Variants in CWC27 observed in about 807,000 individuals in gnomAD.
CWC27 encodes the protein spliceosome-associated protein CWC27 homolog.
CWC27 carries 47 observed loss-of-function variants against 63.6 expected under a neutral mutation model. That is an observed-to-expected ratio of 0.74 (90% confidence interval 0.58 to 0.94). The LOEUF (loss-of-function observed/expected upper bound fraction) is 0.94. CWC27 is among the 40% of genes least tolerant of loss of function. The probability of loss-of-function intolerance (pLI) is 0.00; values close to 1 mark genes in which losing one functional copy is unlikely to be tolerated. For missense variants in CWC27, 495 were observed against 554.3 expected (o/e 0.89, Z 1.07); for synonymous variants, 175 against 179.8 (o/e 0.97, Z 0.22).
chr5:64,977,566 C>T (rs377681456), intron 13 of CWC27, among the ~76,000 whole-genome samples: 7 of 152,212 alleles, frequency 4.6e-5, no homozygotes, highest in South Asian at 4.2e-4. Flanking sequence ...TTAAACAACT[C>T]GAAAACAACC....
intron 10 of CWC27, among the ~76,000 whole-genome samples, chr5:64,825,205 C>T (rs1238496948): frequency 1.3e-5 from 2 of 152,062 alleles, no homozygotes; most frequent in African/African-American, 4.8e-5. Context: ...ACTTGGAGAC[C>T]GTATGTTGCA....
intron 11 of CWC27, among the ~76,000 whole-genome samples, chr5:64,955,565 G>A (rs891134906): frequency 6.6e-6 from 1 of 152,086 alleles, no homozygotes; most frequent in African/African-American, 2.4e-5. Flanking sequence ...CTCACCATCC[G>A]ACCTCAGGTT....
rs556089416 is a variant in CWC27 at position 64,772,249 on chromosome 5, C to G, written c.43-2442C>G. ...GTGAGTGCATACTTCAGTGGGTGTG[C>G]AAAACCATCCATGAGCTGTGGGGAG... On this transcript the variant is annotated intron_variant, in intron 1 of 13. Transcript: ENST00000381070. Among the ~76,000 whole-genome samples the G allele has an allele frequency of 2.6e-5, 4 of 152,226 alleles. No individual in the cohort carries two copies. In the East Asian group the frequency reaches 7.7e-4, roughly 29 times the overall value.
At chr5:64,946,307 G>A (rs148167009) in intron 11 of CWC27, among the ~76,000 whole-genome samples, 1 of 152,226 alleles carries the variant, frequency 6.6e-6, no homozygotes, top group Non-Finnish European at 1.5e-5. Flanking sequence ...CATATACAGA[G>A]ACATATACCA....
chr5:64,844,674 A>T (rs1012162067), intron 10 of CWC27, among the ~76,000 whole-genome samples: 51 of 152,340 alleles, frequency 3.3e-4, no homozygotes, highest in African/African-American at 1.2e-3. Context: ...GTCTAGACTG[A>T]CTTGACATGG....
intron 11 of CWC27, among the ~76,000 whole-genome samples, chr5:64,921,314 ATTTTT>A (rs539560691): frequency 1.4e-4 from 21 of 151,020 alleles, no homozygotes; most frequent in African/African-American, 5.1e-4. Flanking sequence ...TATGGTTTTG[ATTTTT>A]TTTTAATTTG....
intron 10 of CWC27, among the ~76,000 whole-genome samples, chr5:64,863,728 A>T (rs898408203): frequency 2.0e-5 from 3 of 152,050 alleles, no homozygotes; most frequent in African/African-American, 7.2e-5. Context: ...GCTTCAAGTG[A>T]TCCTCCCACT....
chr5:64,896,051 G>A (rs193008413), intron 11 of CWC27, among the ~76,000 whole-genome samples: 337 of 152,088 alleles, frequency 2.2e-3, no homozygotes, highest in African/African-American at 7.7e-3. Context: ...ACTAAAAGAG[G>A]ATAAAGAAAA....
At chr5:64,944,894 A>G (rs1748557829) in intron 11 of CWC27, among the ~76,000 whole-genome samples, 1 of 152,148 alleles carries the variant, frequency 6.6e-6, no homozygotes, top group African/African-American at 2.4e-5. Context: ...TGGATTTCTT[A>G]AAAGTTAAAG....
chr5:64,885,738 T>TGTGTGTGTGTG (rs60595588), intron 11 of CWC27, among the ~76,000 whole-genome samples, 192 bp downstream of exon 11: 35 of 141,488 alleles, frequency 2.5e-4, no homozygotes, highest in South Asian at 6.4e-4. Context: ...TGTGTGTGTG[T>TGTGTGTGTGTG]TTTTAATACT....
intron 11 of CWC27, among the ~76,000 whole-genome samples, chr5:64,954,811 A>G (rs915981269): frequency 2.6e-4 from 39 of 151,922 alleles, no homozygotes; most frequent in African/African-American, 9.2e-4. Context: ...TGTTAGTTAT[A>G]GGTAGAAGAT....
chr5:64,924,902 A>T (rs1434953946), intron 11 of CWC27, among the ~76,000 whole-genome samples: 1 of 152,002 alleles, frequency 6.6e-6, no homozygotes, highest in Admixed American at 6.6e-5. Context: ...TTATATACCG[A>T]AAGAAACTAA....
chr5:64,785,100 A>G (rs1743835470), intron 4 of CWC27, among the ~76,000 whole-genome samples: 1 of 152,196 alleles, frequency 6.6e-6, no homozygotes, highest in African/African-American at 2.4e-5. Context: ...TGAGGATTAA[A>G]TGAGATAATG....
chr5:64,897,011 A>G (rs1302774684), intron 11 of CWC27, among the ~76,000 whole-genome samples: 1 of 152,174 alleles, frequency 6.6e-6, no homozygotes, highest in African/African-American at 2.4e-5. Context: ...CAGGAGTTCA[A>G]TACCAGCCTC....
chr5:64,812,850 A>G (rs2112231464), intron 10 of CWC27, among the ~76,000 whole-genome samples: 1 of 152,298 alleles, frequency 6.6e-6, no homozygotes, highest in East Asian at 1.9e-4. Context: ...ATTACAATTC[A>G]GTATGACAAG....
rs565469452 is a variant in CWC27, at chr5:64,881,605, G to A, written c.939-3838G>A. On this transcript the variant is annotated intron_variant, in intron 10 of 13. Coordinates refer to ENST00000381070, the MANE Select transcript of CWC27 (RefSeq NM_005869.4). ...TTACATAACTTACCCCTAATTTATAGTTGAATAAACTGAGTCTCAGAGAAG... is the reference window on the plus strand; with the variant it reads ...TTACATAACTTACCCCTAATTTATAATTGAATAAACTGAGTCTCAGAGAAG... 3.0e-3 allele frequency among the ~76,000 whole-genome samples: 450 copies of A among 152,196 alleles called. 3 individuals carry two copies. The highest frequency in any genetic ancestry group is 0.01 in the African/African-American group (426 of 41,542).
intron 10 of CWC27, among the ~76,000 whole-genome samples, chr5:64,871,920 G>A (rs1580692066): frequency 6.6e-6 from 1 of 152,210 alleles, no homozygotes; most frequent in African/African-American, 2.4e-5. Context: ...TACTTCCTGG[G>A]AGACTTGGAA....
chr5:64,993,395 G>C (rs940706677), intron 13 of CWC27, among the ~76,000 whole-genome samples: 4 of 152,198 alleles, frequency 2.6e-5, no homozygotes, highest in Admixed American at 2.6e-4. Flanking sequence ...CTATGACCTA[G>C]AAGGAATGTA....
chr5:64,807,515 C>G, intron 10 of CWC27: 1 of 1,433,144 alleles, frequency 7.0e-7, no homozygotes, highest in Non-Finnish European at 9.1e-7. Context: ...GAATCGGCAC[C>G]CTTATATCTA....
Sources: allele counts gnomAD v4.1 joint callset (sites outside exome capture counted in the v4.1 genomes callset), GRCh38; gene constraint gnomAD v4.1.1; transcripts MANE v1.5; gene names NCBI Gene and HGNC (gene_info 2026-07-23, HGNC 2026-07-21).